Variants in FMN1 observed in about 807,000 individuals in gnomAD.
The protein encoded by FMN1 is formin-1.
A neutral mutation model predicts 132.4 loss-of-function variants in FMN1; 110 were observed. The observed-to-expected ratio is 0.83, with a 90% CI of 0.71 to 0.97. The LOEUF is 0.97. FMN1 is among the 50% of genes least tolerant of loss of function. FMN1 has a pLI of 0.00. For missense variants in FMN1, 1,792 were observed against 1,705.3 expected (o/e 1.05, Z -0.90); for synonymous variants, 722 against 651.7 (o/e 1.11, Z -1.64).
At chr15:32,883,504 T>C (rs1435318935) in intron 16 of FMN1, among the ~76,000 whole-genome samples, 1 of 49,634 alleles carries the variant, frequency 2.0e-5, no homozygotes, top group Non-Finnish European at 3.6e-5. Context: ...AGCAAGAACC[T>C]ATCTCAAAAA....
chr15:32,965,256 T>G (rs1327531642), intron 8 of FMN1, among the ~76,000 whole-genome samples: 1 of 151,772 alleles, frequency 6.6e-6, no homozygotes. Context: ...AAAAATTAGC[T>G]GGGCGTGGTG....
intron 2 of FMN1, among the ~76,000 whole-genome samples, chr15:33,184,315 TA>T (rs985104852): frequency 1.6e-4 from 24 of 152,264 alleles, no homozygotes; most frequent in African/African-American, 5.8e-4. Context: ...CATCATTTTT[TA>T]AAAAAGTATT....
In FMN1 at chr15:33,106,411, C is replaced by T. The variant is rs142090414; in HGVS notation, c.1868-17437G>A. Among the ~76,000 whole-genome samples the T allele has an allele frequency of 1.9e-3, 285 of 151,892 alleles. 5 individuals carry two copies. In the East Asian group the frequency reaches 0.046, roughly 24 times the overall value. ...AGCTTTCTTCAATGTGTACATGATT[C>T]TACAAAAGTGTATAAACATCATTTA... On this transcript the variant is annotated intron_variant, in intron 4 of 20. Transcript: ENST00000616417.
chr15:32,857,505 G>C (rs1196401301), intron 16 of FMN1, among the ~76,000 whole-genome samples: 1 of 152,204 alleles, frequency 6.6e-6, no homozygotes, highest in South Asian at 2.1e-4. Context: ...TCCAAAAGTA[G>C]AGCTTGAAAA....
At chr15:33,090,987 C>T (rs536801169) in intron 4 of FMN1, among the ~76,000 whole-genome samples, 2 of 152,184 alleles carry the variant, frequency 1.3e-5, no homozygotes, top group South Asian at 4.1e-4. Flanking sequence ...CACTGTACTA[C>T]CTCATCTTCC....
chr15:32,934,122 G>T (rs12902241), intron 9 of FMN1, among the ~76,000 whole-genome samples: 1 of 151,672 alleles, frequency 6.6e-6, no homozygotes. Flanking sequence ...TTTTGTTGTT[G>T]TATCTCCTAT....
At chr15:33,161,332 T>G (rs1964880579) in intron 3 of FMN1, among the ~76,000 whole-genome samples, 1 of 152,194 alleles carries the variant, frequency 6.6e-6, no homozygotes, top group African/African-American at 2.4e-5. Context: ...AGTAACAGAT[T>G]GGAGGGCAGA....
intron 6 of FMN1, among the ~76,000 whole-genome samples, chr15:33,041,292 C>G (rs565891951): frequency 7.3e-5 from 11 of 150,940 alleles, no homozygotes; most frequent in African/African-American, 2.7e-4. Flanking sequence ...TAACACCTAA[C>G]TGGAAAATAT....
chr15:32,982,525 G>C (rs1443943228), intron 7 of FMN1, among the ~76,000 whole-genome samples: 1 of 152,100 alleles, frequency 6.6e-6, no homozygotes, highest in Non-Finnish European at 1.5e-5. Flanking sequence ...GTATCAACTT[G>C]ACTGACCCCC....
intron 17 of FMN1, among the ~76,000 whole-genome samples, chr15:32,815,128 G>C (rs1378724474): frequency 6.6e-6 from 1 of 152,076 alleles, no homozygotes; most frequent in Non-Finnish European, 1.5e-5. Flanking sequence ...ATTTTTAGTA[G>C]AGATGGGGTT....
chr15:33,112,910 G>A (rs1282409564), intron 4 of FMN1, among the ~76,000 whole-genome samples: 1 of 152,198 alleles, frequency 6.6e-6, no homozygotes, highest in East Asian at 1.9e-4. Flanking sequence ...CCAGGTTACA[G>A]CTGCCCTAGG....
intron 4 of FMN1, among the ~76,000 whole-genome samples, chr15:33,099,941 C>G (rs1445176205): frequency 6.6e-6 from 1 of 152,084 alleles, no homozygotes; most frequent in Non-Finnish European, 1.5e-5. Flanking sequence ...GAGACTGGCC[C>G]TTTTTACTAT....
intron 7 of FMN1, among the ~76,000 whole-genome samples, chr15:33,000,744 A>C (rs2034055075): frequency 1.3e-5 from 2 of 152,252 alleles, no homozygotes; most frequent in Admixed American, 1.3e-4. Context: ...TTGAAGAAAA[A>C]GGATTATGTT....
intron 7 of FMN1, among the ~76,000 whole-genome samples, chr15:33,003,312 G>T (rs1291146077): frequency 6.6e-6 from 1 of 152,192 alleles, no homozygotes; most frequent in East Asian, 1.9e-4. Context: ...CATTGTCTCA[G>T]CCCAAAATCT....
chr15:32,772,463 T>C lies in FMN1; in HGVS notation c.*1847A>G, dbSNP rs1468348009. 6.6e-6 allele frequency: 1 copy of C among 152,248 alleles called. No homozygotes were observed. The highest frequency in any genetic ancestry group is 2.4e-5 in the African/African-American group (1 of 41,468). 9.4% of individuals were successfully genotyped at this position (152,248 alleles called of 1,614,324 possible). A position where few individuals can be genotyped will look rare whatever the true frequency, so the allele number is the denominator to read the frequency against. ...GGTTATAAGTGGAATCAGTTTTTAA[T>C]TGATCCGTTCTTTTGGTTGTCTTCA... On this transcript the variant is annotated 3_prime_UTR_variant, in exon 21 of 21. Coordinates refer to ENST00000616417, the MANE Select transcript of FMN1 (RefSeq NM_001277313.2).
intron 2 of FMN1, among the ~76,000 whole-genome samples, chr15:33,180,838 C>G (rs936413222): frequency 5.3e-5 from 8 of 151,852 alleles, no homozygotes; most frequent in Admixed American, 4.6e-4. Context: ...CAACCTCCCC[C>G]TCCAGGGTTT....
chr15:32,774,948 G>A (rs1158918546), intron 20 of FMN1, among the ~76,000 whole-genome samples: 1 of 152,072 alleles, frequency 6.6e-6, no homozygotes, highest in East Asian at 1.9e-4. Context: ...GAAGACGTAA[G>A]AATACACAGG....
rs71462823 is a variant in FMN1 at position 32,774,855 on chromosome 15, T to A, written c.4216-501A>T. ...TGCAGAATGGCAGAAGTTCCCGATT[T>A]GCCATGGATGTTATGCTCTTCATTC... On this transcript the variant is annotated intron_variant, in intron 20 of 20. Coordinates refer to ENST00000616417, the MANE Select transcript of FMN1 (RefSeq NM_001277313.2). 6.8e-3 allele frequency among the ~76,000 whole-genome samples: 1,032 copies of A among 152,340 alleles called. 7 individuals carry two copies. The highest frequency in any genetic ancestry group is 0.011 in the Non-Finnish European group (753 of 68,036).
At chr15:32,821,827 T>C (rs370063940) in intron 17 of FMN1, among the ~76,000 whole-genome samples, 1 of 152,194 alleles carries the variant, frequency 6.6e-6, no homozygotes, top group Non-Finnish European at 1.5e-5. Context: ...TACCCTAACC[T>C]GGAACAATAT....
Sources: gnomAD v4.1 joint callset for allele counts (sites outside exome capture counted in the v4.1 genomes callset) on GRCh38, gnomAD v4.1.1 for gene constraint, MANE v1.5 for transcripts, NCBI Gene and HGNC (gene_info 2026-07-23, HGNC 2026-07-21) for gene names.